The following DMD variants were observed in gnomAD, a reference collection of about 807,000 sequenced individuals.
DMD encodes mutant dystrophin.
DMD carries 63 observed loss-of-function variants against 330.1 expected under a neutral mutation model. The ratio of observed to expected loss-of-function variants is 0.19; its 90% CI spans 0.16 to 0.24. The LOEUF (loss-of-function observed/expected upper bound fraction) is 0.24. Ranked by LOEUF, DMD falls within the 10% of genes least tolerant of loss-of-function variation. DMD has a pLI of 1.00. For missense variants in DMD, 3,344 were observed against 2,684.1 expected, an observed-to-expected ratio of 1.25 and a Z score of -5.43; for synonymous variants, 1,223 against 959.8, an observed-to-expected ratio of 1.27 and a Z score of -5.07.
At chrX:32,763,097 G>A (rs2072528951) in intron 7 of DMD, among the ~76,000 whole-genome samples, 1 of 111,650 alleles carries the variant, frequency 9.0e-6, no homozygotes, top group Non-Finnish European at 1.9e-5. Flanking sequence ...TGTACACAAT[G>A]AACAGCTTTT....
chrX:32,394,857 C>A (rs2098028878), intron 30 of DMD, among the ~76,000 whole-genome samples: 1 of 95,089 alleles, frequency 1.1e-5, no homozygotes, highest in Non-Finnish European at 2.0e-5. Context: ...ATGAAGTATA[C>A]ACATAGTCCT....
chrX:32,780,979 A>T (rs1333116052), intron 7 of DMD, among the ~76,000 whole-genome samples: 2 of 109,109 alleles, frequency 1.8e-5, no homozygotes, highest in Non-Finnish European at 3.8e-5. Context: ...TTAGCCGGGC[A>T]TGGTGGCAGG....
chrX:32,058,566 T>TA (rs34845512), intron 44 of DMD, among the ~76,000 whole-genome samples: 4,658 of 72,165 alleles, frequency 0.065, 187 homozygotes, highest in East Asian at 0.16. Context: ...TAACCATTAT[T>TA]AAAAAAAAAA....
chrX:31,905,719 T>C lies in DMD; in HGVS notation c.6912+23877A>G, dbSNP rs779259648. On this transcript the variant is annotated intron_variant, in intron 47 of 78. Coordinates refer to ENST00000357033, the MANE Select transcript of DMD (RefSeq NM_004006.3). ...AAAGTGTGAGGAAAAAGTAAAAAATTATAGCATGAAAATAGAGATGTAGTG... is the reference window on the plus strand; with the variant it reads ...AAAGTGTGAGGAAAAAGTAAAAAATCATAGCATGAAAATAGAGATGTAGTG... Among the ~76,000 whole-genome samples, 6 of 110,968 alleles carry C rather than the reference T, an allele frequency of 5.4e-5. No individual in the cohort carries two copies. The South Asian group carries it at 2.3e-3, about 42-fold the overall frequency.
At chrX:31,629,278 C>A (rs771266889) in intron 54 of DMD, among the ~76,000 whole-genome samples, 3 of 111,613 alleles carry the variant, frequency 2.7e-5, no homozygotes, top group East Asian at 5.7e-4. Flanking sequence ...ATGTGCAAAC[C>A]AGGCAATAAA....
At chrX:32,424,313 CA>C (rs1303626613) in intron 29 of DMD, among the ~76,000 whole-genome samples, 1 of 110,902 alleles carries the variant, frequency 9.0e-6, no homozygotes, top group Non-Finnish European at 1.9e-5. Context: ...GCCCTGAATT[CA>C]AAGTATGGAA....
intron 62 of DMD, among the ~76,000 whole-genome samples, chrX:31,280,637 G>A (rs944572000): frequency 2.7e-5 from 3 of 111,924 alleles, no homozygotes; most frequent in Non-Finnish European, 5.6e-5. Flanking sequence ...TTAAAAAAGC[G>A]TTTGCCCTAA....
chrX:32,764,322 A>G (rs2072698811), intron 7 of DMD, among the ~76,000 whole-genome samples: 1 of 111,524 alleles, frequency 9.0e-6, no homozygotes, highest in Non-Finnish European at 1.9e-5. Context: ...CATAAAACAT[A>G]TAATTCTAAT....
chrX:32,018,524 CTCTA>C (rs1366238444), intron 44 of DMD, among the ~76,000 whole-genome samples: 1 of 111,620 alleles, frequency 9.0e-6, no homozygotes, highest in Non-Finnish European at 1.9e-5. Flanking sequence ...CATACCACTA[CTCTA>C]TCTATAAACT....
intron 2 of DMD, among the ~76,000 whole-genome samples, chrX:32,866,752 G>GGGGGGGGGGGGGT (rs2082539861): frequency 2.4e-5 from 2 of 84,105 alleles, no homozygotes; most frequent in Admixed American, 1.4e-4. Context: ...TGGGGGGGGG[G>GGGGGGGGGGGGGT]GGACAGAGTT....
At chrX:32,902,462 TC>T (rs2086352188) in intron 2 of DMD, among the ~76,000 whole-genome samples, 2 of 111,044 alleles carry the variant, frequency 1.8e-5, no homozygotes, top group South Asian at 7.5e-4. Context: ...ATAAGTATTC[TC>T]TAATTTGGAA....
intron 11 of DMD, among the ~76,000 whole-genome samples, chrX:32,632,120 C>T (rs899674422): frequency 8.9e-6 from 1 of 112,269 alleles, no homozygotes; most frequent in Non-Finnish European, 1.9e-5. Flanking sequence ...AGTCAACACT[C>T]CTATTCCAAA....
intron 27 of DMD, 93 bp from the exon 28 acceptor site, chrX:32,441,407 AAC>A (rs1435576785): frequency 1.1e-6 from 1 of 909,563 alleles, no homozygotes. Flanking sequence ...CTGAAAATAT[AAC>A]ACTTTGTATT....
chrX:31,128,644 AATTG>A (rs1287465620), intron 77 of DMD, among the ~76,000 whole-genome samples: 3 of 112,052 alleles, frequency 2.7e-5, no homozygotes, highest in Non-Finnish European at 5.6e-5. Context: ...CTCAGTTATC[AATTG>A]ATTATTTCTT....
At chrX:33,058,184 C>T (rs1311090696) in intron 1 of DMD, among the ~76,000 whole-genome samples, 2 of 111,707 alleles carry the variant, frequency 1.8e-5, no homozygotes, top group Admixed American at 1.9e-4. Context: ...CCAGTCTATA[C>T]CGCATTTTTA....
intron 61 of DMD, among the ~76,000 whole-genome samples, chrX:31,338,309 CA>C (rs752828727): frequency 0.29 from 15,605 of 53,222 alleles, 1,745 homozygotes; most frequent in African/African-American, 0.41. Flanking sequence ...AGTAAAAATA[CA>C]AAAAAAAAAA....
At chrX:32,865,640 GCTTGT>G (rs1344699600) in intron 2 of DMD, among the ~76,000 whole-genome samples, 5 of 112,511 alleles carry the variant, frequency 4.4e-5, no homozygotes, top group African/African-American at 1.3e-4. Flanking sequence ...GCAAATGTCT[GCTTGT>G]CTTTTCTTTT....
chrX:33,194,569 G>A (rs774519743), intron 1 of DMD, among the ~76,000 whole-genome samples: 1 of 111,429 alleles, frequency 9.0e-6, no homozygotes, highest in Non-Finnish European at 1.9e-5. Flanking sequence ...AATTTTATAA[G>A]TCAAAATAGA....
At chrX:33,244,772 G>A (rs772399120) in intron 1 of DMD, among the ~76,000 whole-genome samples, 3 of 111,559 alleles carry the variant, frequency 2.7e-5, no homozygotes, top group Non-Finnish European at 5.7e-5. Context: ...GAAACAAAAC[G>A]AAATGGAAGA....
Sources: allele counts gnomAD v4.1 joint callset (sites outside exome capture counted in the v4.1 genomes callset), GRCh38; gene constraint gnomAD v4.1.1; transcripts MANE v1.5; gene names NCBI Gene and HGNC (gene_info 2026-07-23, HGNC 2026-07-21).